The following CACNA1C variants were observed in gnomAD, a reference collection of about 807,000 sequenced individuals.
CACNA1C encodes the protein calcium voltage-gated channel subunit alpha1 C.
A neutral mutation model predicts 229.0 loss-of-function variants in CACNA1C; 30 were observed. That is an observed-to-expected ratio of 0.13 (90% CI 0.10 to 0.18). CACNA1C has a LOEUF of 0.18. Ranked by LOEUF, CACNA1C falls within the 10% of genes least tolerant of loss-of-function variation. CACNA1C has a pLI of 1.00. For synonymous variants in CACNA1C, 1,114 were observed against 1,132.5 expected, an observed-to-expected ratio of 0.98 and a Z score of 0.33; for missense variants, 1,658 against 2,845.0, an observed-to-expected ratio of 0.58 and a Z score of 9.49.
Position 2,552,175 on chromosome 12 carries a change from G to T in CACNA1C, c.1481+2142G>T, listed in dbSNP as rs140987136. Reference sequence around the variant, plus strand: ...GGAGGAGGAATTTCAGGACAGAGCTGTTTATCCATGCATTCGTTCAACAGT... The same window carrying T: ...GGAGGAGGAATTTCAGGACAGAGCTTTTTATCCATGCATTCGTTCAACAGT... On this transcript the variant is annotated intron_variant, in intron 10 of 46. Coordinates refer to ENST00000399655, the MANE Select transcript of CACNA1C (RefSeq NM_000719.7). Among the ~76,000 whole-genome samples, 39 of 152,326 alleles carry T rather than the reference G, an allele frequency of 2.6e-4. No individual in the cohort carries two copies. The East Asian group carries it at 6.9e-3, about 27-fold the overall frequency.
chr12:2,225,981 G>A (rs948767773), intron 3 of CACNA1C, among the ~76,000 whole-genome samples: 28 of 152,110 alleles, frequency 1.8e-4, no homozygotes, highest in African/African-American at 6.5e-4. Flanking sequence ...ACTTTGAAAG[G>A]AAAGCTCTAG....
intron 3 of CACNA1C, among the ~76,000 whole-genome samples, chr12:2,191,589 C>T (rs2097214768): frequency 2.0e-5 from 3 of 152,158 alleles, no homozygotes; most frequent in South Asian, 4.1e-4. Flanking sequence ...AGCATACACA[C>T]ATGCACTCAC....
chr12:2,470,252 G>T (rs1464956121), intron 5 of CACNA1C, among the ~76,000 whole-genome samples: 1 of 152,172 alleles, frequency 6.6e-6, no homozygotes, highest in Non-Finnish European at 1.5e-5. Context: ...AGACAAGAGG[G>T]CTTCTTAAAC....
intron 13 of CACNA1C, among the ~76,000 whole-genome samples, chr12:2,577,727 T>C (rs983065274): frequency 2.0e-5 from 3 of 152,252 alleles, no homozygotes; most frequent in Admixed American, 1.3e-4. Flanking sequence ...ATTCATTCAC[T>C]GAACAAAATG....
intron 3 of CACNA1C, among the ~76,000 whole-genome samples, chr12:2,271,003 A>C (rs2084729341): frequency 6.6e-6 from 1 of 152,138 alleles, no homozygotes; most frequent in Non-Finnish European, 1.5e-5. Context: ...TCTCTAGGAC[A>C]ACGTGGATCT....
At position 2,006,025 on chromosome 12, in the gene CACNA1C, G is replaced by C. The variant is rs74059698; in HGVS notation, c.139+34824G>C. ...TCCAAACAAAACACACATAGCCCGG[G>C]GTCTTTAAAGTTATTTTTAATTTCC... On this transcript the variant is annotated intron_variant, in intron 1 of 46. Coordinates refer to the CACNA1C transcript ENST00000682462. 1.5e-3 allele frequency among the ~76,000 whole-genome samples: 226 copies of C among 152,140 alleles called. 1 individual carries two copies. Among genetic ancestry groups the C allele is most frequent in the African/African-American group, 5.3e-3 (220 of 41,480 alleles).
chr12:2,307,601 A>G (rs1305459835), intron 3 of CACNA1C, among the ~76,000 whole-genome samples: 2 of 152,228 alleles, frequency 1.3e-5, no homozygotes. Context: ...AAATTACAGA[A>G]TCATCCATCT....
intron 9 of CACNA1C, among the ~76,000 whole-genome samples, chr12:2,526,191 TA>T (rs940582357): frequency 5.3e-5 from 8 of 152,228 alleles, no homozygotes; most frequent in African/African-American, 1.9e-4. Context: ...TACGGAATTC[TA>T]AAACCCTGGG....
At chr12:2,609,121 C>G (rs912224545) in intron 27 of CACNA1C, among the ~76,000 whole-genome samples, 3 of 152,130 alleles carry the variant, frequency 2.0e-5, no homozygotes, top group East Asian at 1.9e-4. Flanking sequence ...GGAAACCACT[C>G]TTACATGGTT....
chr12:2,255,557 A>G (rs2077131857), intron 3 of CACNA1C, among the ~76,000 whole-genome samples: 1 of 152,228 alleles, frequency 6.6e-6, no homozygotes, highest in Admixed American at 6.5e-5. Flanking sequence ...AACTCTGAGC[A>G]GATGGGGCTG....
intron 3 of CACNA1C, among the ~76,000 whole-genome samples, chr12:2,124,264 AG>A (rs1396185999): frequency 3.9e-5 from 6 of 152,174 alleles, no homozygotes; most frequent in Admixed American, 3.9e-4. Context: ...CCAGGGTGTC[AG>A]GGTGGAAGAA....
At chr12:2,623,496 C>T (rs1366855351) in intron 29 of CACNA1C, among the ~76,000 whole-genome samples, 1 of 152,194 alleles carries the variant, frequency 6.6e-6, no homozygotes, top group African/African-American at 2.4e-5. Flanking sequence ...CTTCAAGCTG[C>T]CTCCCGAGAT....
At chr12:2,637,737 G>T (rs1234369492) in intron 30 of CACNA1C, among the ~76,000 whole-genome samples, 1 of 152,216 alleles carries the variant, frequency 6.6e-6, no homozygotes, top group Non-Finnish European at 1.5e-5. Context: ...CCTGCTCCGG[G>T]CCTTCCCAGG....
chr12:2,655,756 T>C (rs1177010957), intron 34 of CACNA1C, among the ~76,000 whole-genome samples: 1 of 152,224 alleles, frequency 6.6e-6, no homozygotes, highest in East Asian at 1.9e-4. Context: ...TACATCATGA[T>C]CAAGTGGGTT....
intron 1 of CACNA1C, among the ~76,000 whole-genome samples, chr12:2,017,777 C>G (rs916612364): frequency 1.3e-5 from 2 of 151,750 alleles, no homozygotes; most frequent in Non-Finnish European, 2.9e-5. Context: ...GCCTTGTGCT[C>G]CATCAGAGTC....
At chr12:2,189,324 G>A (rs1029780345) in intron 3 of CACNA1C, among the ~76,000 whole-genome samples, 1 of 152,146 alleles carries the variant, frequency 6.6e-6, no homozygotes, top group Admixed American at 6.5e-5. Flanking sequence ...TGCTGGCTGT[G>A]TGTGCAAATA....
At chr12:2,536,626 C>T (rs945989189) in intron 9 of CACNA1C, among the ~76,000 whole-genome samples, 27 of 152,030 alleles carry the variant, frequency 1.8e-4, no homozygotes, top group African/African-American at 6.5e-4. Flanking sequence ...GCCAGGAGTT[C>T]GAGACCAACC....
chr12:2,078,262 T>C (rs2063976202), intron 1 of CACNA1C, among the ~76,000 whole-genome samples: 1 of 152,224 alleles, frequency 6.6e-6, no homozygotes. Context: ...ATCCATCTGC[T>C]GGCACCTTGA....
chr12:2,508,868 G>A (rs913713997), intron 8 of CACNA1C, among the ~76,000 whole-genome samples: 1 of 152,124 alleles, frequency 6.6e-6, no homozygotes, highest in Non-Finnish European at 1.5e-5. Flanking sequence ...CATAGGACTG[G>A]TGCTCTTATG....
Sources: allele counts gnomAD v4.1 joint callset (sites outside exome capture counted in the v4.1 genomes callset), GRCh38; gene constraint gnomAD v4.1.1; transcripts MANE v1.5; gene names NCBI Gene and HGNC (gene_info 2026-07-23, HGNC 2026-07-21).